The following OGFOD1 variants were observed in gnomAD, a reference collection of about 807,000 sequenced individuals.
OGFOD1 encodes prolyl 3-hydroxylase OGFOD1.
Under a neutral mutation model 67.7 loss-of-function variants are expected in OGFOD1, and 54 were observed. The observed-to-expected ratio is 0.80, with a 90% CI of 0.64 to 1.00. OGFOD1 has a LOEUF of 1.00. Among genes scored for constraint, OGFOD1 ranks in the 50% least tolerant of loss-of-function variants. The pLI, the probability that OGFOD1 is intolerant of heterozygous loss-of-function variation, is 0.00. For synonymous variants in OGFOD1, 221 were observed against 227.0 expected, an observed-to-expected ratio of 0.97 and a Z score of 0.24; for missense variants, 606 against 646.7, an observed-to-expected ratio of 0.94 and a Z score of 0.68.
intron 10 of OGFOD1, 39 bp downstream of exon 10, chr16:56,470,830 C>T (rs1351452999): frequency 6.7e-7 from 1 of 1,490,220 alleles, no homozygotes; most frequent in South Asian, 1.4e-5. Flanking sequence ...TTACCATTAA[C>T]CATTCACCAT....
In OGFOD1 at chr16:56,478,530, G is replaced by A. The variant is rs1189253302; in HGVS notation, c.*2325G>A. 6.6e-6 allele frequency: 1 copy of A among 152,188 alleles called. No homozygotes were observed. The highest frequency in any genetic ancestry group is 1.5e-5 in the Non-Finnish European group (1 of 68,054). 9.4% of individuals were successfully genotyped at this position (152,188 alleles called of 1,614,324 possible). A position where few individuals can be genotyped will look rare whatever the true frequency, so the allele number is the denominator to read the frequency against. On this transcript the variant is annotated 3_prime_UTR_variant, in exon 13 of 13. Transcript: ENST00000566157. Reference sequence around the variant, plus strand: ...TTCTGATGTGTTTTCATGAGTTGAGGGGAAAGGGTGTCAGTGGCATAACTT... The same window carrying A: ...TTCTGATGTGTTTTCATGAGTTGAGAGGAAAGGGTGTCAGTGGCATAACTT...
Position 56,467,673 on chromosome 16 carries a change from C to G in OGFOD1, c.787-232C>G, listed in dbSNP as rs546395989. ...AACTCCTGACCTCAAATGATCCACC[C>G]ACCTTGGCCTCCCAAAGTGCTGGGA... On this transcript the variant is annotated intron_variant, in intron 7 of 12. Coordinates refer to ENST00000566157, the MANE Select transcript of OGFOD1 (RefSeq NM_018233.4). Among the ~76,000 whole-genome samples the G allele has an allele frequency of 3.3e-5, 5 of 152,244 alleles. No individual in the cohort carries two copies. In the Middle Eastern group the frequency reaches 0.014, roughly 414 times the overall value.
At position 56,476,181 on chromosome 16, in the gene OGFOD1, C is replaced by G. The variant is rs191878947; in HGVS notation, c.1605C>G (p.Asp535Glu). Reference protein sequence around the residue: ...KTFPNRTGFWDFSFIYYE With the variant: ...KTFPNRTGFWEFSFIYYE ...TCCCAAACAGAACAGGTTTCTGGGA[C>G]TTTTCATTCATCTATTATGAATGAC... The change falls in exon 13 of 13, where the codon GAC becomes GAG. Residue 535 changes from aspartate to glutamate, a missense_variant. Physicochemically the swap from Asp to Glu is conservative, Grantham distance 45. Coordinates refer to ENST00000566157, the MANE Select transcript of OGFOD1 (RefSeq NM_018233.4). The G allele has an allele frequency of 1.2e-6, 2 of 1,612,158 alleles. No individual in the cohort carries two copies. Among genetic ancestry groups the G allele is most frequent in the Admixed American group, 3.3e-5 (2 of 59,796 alleles).
At chr16:56,466,545 T>G (rs1273339628) in intron 5 of OGFOD1, among the ~76,000 whole-genome samples, 1 of 151,970 alleles carries the variant, frequency 6.6e-6, no homozygotes, top group African/African-American at 2.4e-5. Context: ...AAGGGTGGAG[T>G]GCATATAAGG....
intron 4 of OGFOD1, among the ~76,000 whole-genome samples, chr16:56,464,189 TC>T (rs1283071720): frequency 2.6e-5 from 4 of 152,196 alleles, no homozygotes; most frequent in African/African-American, 9.7e-5. Context: ...ATGATTAGAT[TC>T]AGGCCATATA....
In OGFOD1 at chr16:56,467,245, C is replaced by A. The variant is rs1298056657; in HGVS notation, c.738C>A (p.Pro246=). 7.4e-6 allele frequency: 12 copies of A among 1,613,982 alleles called. No individual in the cohort carries two copies. The highest frequency in any genetic ancestry group is 9.3e-6 in the Non-Finnish European group (11 of 1,180,018). The change falls in exon 7 of 13, where the codon CCC becomes CCA. Residue 246 remains proline (P), a synonymous_variant. Coordinates refer to ENST00000566157, the MANE Select transcript of OGFOD1 (RefSeq NM_018233.4). ...ATGGTCCATCATTGACTCGGCCTCC[C>A]AACTACTTTGAACCCCCCATACCTC... ...WFHGPSLTRP[P]NYFEPPIPRS...
At position 56,476,395 on chromosome 16, in the gene OGFOD1, T is replaced by A; in HGVS notation, c.*190T>A. 2 of 382,690 alleles carry A rather than the reference T, an allele frequency of 5.2e-6. No individual in the cohort carries two copies. The highest frequency in any genetic ancestry group is 9.0e-6 in the Non-Finnish European group (2 of 221,366). 23.7% of individuals were successfully genotyped at this position (382,690 alleles called of 1,614,324 possible). On this transcript the variant is annotated 3_prime_UTR_variant, in exon 13 of 13. Transcript: ENST00000566157. The stretch of plus-strand genomic sequence containing the variant: ...CCTTGAGCTTGCAGCTAAGTACTTA[T>A]CTCTTGATTAAAAAAAAAAAGTTGG...
intron 4 of OGFOD1, 43 bp from the exon 5 acceptor site, chr16:56,466,109 T>C (rs1962887141): frequency 7.1e-7 from 1 of 1,401,242 alleles, no homozygotes; most frequent in South Asian, 1.2e-5. Flanking sequence ...TGTCAGCTGG[T>C]CACTATCTGC....
chr16:56,462,723 C>A, intron 4 of OGFOD1, 89 bp downstream of exon 4: 1 of 766,496 alleles, frequency 1.3e-6, no homozygotes, highest in East Asian at 2.6e-5. Context: ...CCAAAACACT[C>A]AACTGAATGT....
chr16:56,475,736 G>A (rs538671651), intron 12 of OGFOD1, among the ~76,000 whole-genome samples, 171 bp downstream of exon 12: 1 of 152,318 alleles, frequency 6.6e-6, no homozygotes, highest in South Asian at 2.1e-4. Context: ...AGATGCTAAA[G>A]GATACTCAGT....
intron 10 of OGFOD1, 72 bp from the exon 11 acceptor site, chr16:56,474,756 T>C: frequency 1.6e-6 from 2 of 1,258,936 alleles, no homozygotes; most frequent in Non-Finnish European, 2.2e-6. Flanking sequence ...TTCCTAATTA[T>C]GATTCCCTTG....
intron 11 of OGFOD1, 21 bp downstream of exon 11, chr16:56,474,971 C>A: frequency 6.2e-7 from 1 of 1,611,444 alleles, no homozygotes; most frequent in Non-Finnish European, 8.5e-7. Flanking sequence ...GGAAAGCAAG[C>A]GGTGGATTAT....
At position 56,476,404 on chromosome 16, in the gene OGFOD1, T is replaced by TAAA. The variant is rs59188420; in HGVS notation, c.*208_*210dup. 76 of 312,760 alleles carry TAAA rather than the reference T, an allele frequency of 2.4e-4. No homozygotes were observed. Among genetic ancestry groups the TAAA allele is most frequent in the Middle Eastern group, 8.3e-4 (1 of 1,198 alleles). 19.4% of individuals were successfully genotyped at this position (312,760 alleles called of 1,614,324 possible). A position where few individuals can be genotyped will look rare whatever the true frequency, so the allele number is the denominator to read the frequency against. On this transcript the variant is annotated 3_prime_UTR_variant, in exon 13 of 13. Transcript: ENST00000566157. ...TGCAGCTAAGTACTTATCTCTTGAT[T>TAAA]AAAAAAAAAAAGTTGGCTTTTTTTT...
chr16:56,458,848 G>GA (rs1215674101), intron 3 of OGFOD1: 4 of 462,374 alleles, frequency 8.7e-6, no homozygotes, highest in Non-Finnish European at 1.6e-5. Flanking sequence ...AGTAATCAAG[G>GA]AAACAGAAGT....
intron 1 of OGFOD1, 60 bp downstream of exon 1, chr16:56,451,826 C>T: frequency 1.3e-6 from 2 of 1,568,500 alleles, no homozygotes; most frequent in Non-Finnish European, 1.7e-6. Flanking sequence ...TCTGAAAAAG[C>T]CCTGGGACTC....
At chr16:56,466,660 T>C (rs905970244) in intron 5 of OGFOD1, among the ~76,000 whole-genome samples, 2 of 152,196 alleles carry the variant, frequency 1.3e-5, no homozygotes, top group African/African-American at 2.4e-5. Context: ...TGAGAACTTA[T>C]TCCAGCCCTT....
chr16:56,471,927 G>T (rs996907179), intron 10 of OGFOD1, among the ~76,000 whole-genome samples: 1 of 151,888 alleles, frequency 6.6e-6, no homozygotes, highest in Non-Finnish European at 1.5e-5. Context: ...TGTCTCAAAG[G>T]GATTTTTTAA....
At chr16:56,467,394 A>G in intron 7 of OGFOD1, 101 bp downstream of exon 7, 2 of 1,211,856 alleles carry the variant, frequency 1.7e-6, no homozygotes. Flanking sequence ...CTGGACCTTG[A>G]GCTTGCCCCT....
intron 3 of OGFOD1, 179 bp downstream of exon 3, chr16:56,458,773 A>G: frequency 1.7e-6 from 1 of 578,080 alleles, no homozygotes; most frequent in Non-Finnish European, 3.1e-6. Context: ...GGGAGCTAGC[A>G]TACAAACCTA....
Sources: gnomAD v4.1 joint callset for allele counts (sites outside exome capture counted in the v4.1 genomes callset) on GRCh38, gnomAD v4.1.1 for gene constraint, MANE v1.5 for transcripts, NCBI Gene and HGNC (gene_info 2026-07-23, HGNC 2026-07-21) for gene names.